Variants in COL5A3 observed in about 807,000 individuals in gnomAD.
The protein encoded by COL5A3 is collagen type V alpha 3 chain, also known as collagen alpha-3(V) chain.
Under a neutral mutation model 250.0 loss-of-function variants are expected in COL5A3, and 172 were observed. The observed-to-expected ratio is 0.69, with a 90% confidence interval of 0.61 to 0.78. The LOEUF is 0.78. Ranked by LOEUF, COL5A3 falls within the 30% of genes least tolerant of loss-of-function variation. COL5A3 has a pLI of 0.00. For synonymous variants in COL5A3, 937 were observed against 900.4 expected, an observed-to-expected ratio of 1.04 and a Z score of -0.73; for missense variants, 2,340 against 2,334.4, an observed-to-expected ratio of 1.00 and a Z score of -0.05.
rs374519541 is a variant in COL5A3 at position 10,004,182 on chromosome 19, C to T, written c.595-37G>A. 4 of 1,485,836 alleles carry T rather than the reference C, an allele frequency of 2.7e-6. No individual in the cohort carries two copies. The African/African-American group carries it at 5.5e-5, about 21-fold the overall frequency. 92.0% of individuals were successfully genotyped at this position (1,485,836 alleles called of 1,614,324 possible). On this transcript the variant is annotated intron_variant, in intron 4 of 66. Transcript: ENST00000264828. ...GGGTGTAGGAGTCAAGGAGGGCAGC[C>T]ATACAGCCATAGGCTTACTCTGACC...
Position 9,960,808 on chromosome 19 carries a change from T to C in COL5A3, c.4934A>G (p.Gln1645Arg). The change falls in exon 66 of 67, where the codon CAG (glutamine) becomes CGG (arginine). Residue 1645 changes from glutamine (Q) to arginine (R), a missense_variant. Coordinates refer to ENST00000264828, the MANE Select transcript of COL5A3 (RefSeq NM_015719.4). The stretch of plus-strand genomic sequence containing the variant: ...ATTCTGGCAGGAGTAGGTGAAGTTC[T>C]GGCGAGCTGTGGCACTCAGCAGTTT... ...FLKLLSATAR[Q>R]NFTYSCQNAA... The C allele has an allele frequency of 6.2e-7, 1 of 1,613,742 alleles. No homozygotes were observed. The highest frequency in any genetic ancestry group is 1.1e-5 in the South Asian group (1 of 91,086).
chr19:9,973,570 C>T lies in COL5A3; in HGVS notation c.3666G>A (p.Pro1222=), dbSNP rs771611798. 13 of 1,611,512 alleles carry T rather than the reference C, an allele frequency of 8.1e-6. No individual in the cohort carries two copies. Among genetic ancestry groups the T allele is most frequent in the African/African-American group, 2.7e-5 (2 of 74,872 alleles). Residue 1222 remains proline, a splice_region_variant and synonymous_variant, in exon 50 of 67, where the codon CCG becomes CCA. Transcript: ENST00000264828. ...DPGPPGAPGI[P]GPKGDIGEKG... is the part of the protein sequence containing the mutation. ...GGGACCACATCACACAGTCACTCAC[C>T]GGGATGCCTGGGGCTCCTGGAGGCC...
chr19:9,996,779 A>AG, intron 11 of COL5A3, 90 bp from the exon 12 acceptor site: 1 of 851,842 alleles, frequency 1.2e-6, no homozygotes, highest in Non-Finnish European at 1.8e-6. Context: ...ATGAGTCAGA[A>AG]AGAGAGAGAG....
chr19:10,007,917 C>T (rs952899615), intron 1 of COL5A3, among the ~76,000 whole-genome samples: 2 of 151,328 alleles, frequency 1.3e-5, no homozygotes, highest in African/African-American at 2.4e-5. Flanking sequence ...GTCCAAGTCT[C>T]TTTCTCTCTC....
intron 10 of COL5A3, among the ~76,000 whole-genome samples, chr19:9,997,655 G>A (rs1482813066): frequency 2.0e-5 from 3 of 152,050 alleles, no homozygotes; most frequent in Non-Finnish European, 4.4e-5. Context: ...ATGCTGGAGT[G>A]CAGTGGCGTG....
At chr19:9,977,167 C>A in intron 44 of COL5A3, 62 bp downstream of exon 44, 1 of 1,513,712 alleles carries the variant, frequency 6.6e-7, no homozygotes, top group Non-Finnish European at 9.2e-7. Context: ...ATCTCTACAT[C>A]CCTGGCCTCC....
rs568686157 is a variant in COL5A3, at chr19:9,960,653, G to A, written c.5089C>T (p.Arg1697Trp). The A allele has an allele frequency of 2.7e-5, 43 of 1,613,826 alleles. No individual in the cohort carries two copies. Among genetic ancestry groups the A allele is most frequent in the Middle Eastern group, 3.3e-4 (2 of 6,062 alleles). ...ATVSVPQDGC[R>W]LRKGQTKTLF... is the part of the protein sequence containing the mutation. ...TGGCCACTGCCCCACCCTCTTACCC[G>A]GCAGCCATCCTGGGGGACGCTGACA... Residue 1697 changes from arginine (R) to tryptophan (W), a missense_variant and splice_region_variant, in exon 66 of 67, where the codon CGG becomes TGG. By Grantham distance (101) the Arg-to-Trp change is moderately radical. This residue lies in a region of COL5A3 where 1,179 missense variants were observed against 1,162.6 expected (regional missense o/e 1.01). Coordinates refer to ENST00000264828, the MANE Select transcript of COL5A3 (RefSeq NM_015719.4).
chr19:9,977,627 G>A lies in COL5A3; in HGVS notation c.3093C>T (p.Gly1031=), dbSNP rs769714137. Residue 1031 remains glycine, a synonymous_variant, in exon 42 of 67, where the codon GGC becomes GGT. Coordinates refer to ENST00000264828, the MANE Select transcript of COL5A3 (RefSeq NM_015719.4). ...CCTTCTTGCCTGCAGGGCCAACGGG[G>A]CCTTCGCTGCCACTTTGGCCAGGAA... ...IGLPGQSGSE[G]PVGPAGKKGS... 3 of 1,605,770 alleles carry A rather than the reference G, an allele frequency of 1.9e-6. No individual in the cohort carries two copies. The highest frequency in any genetic ancestry group is 2.2e-5 in the South Asian group (2 of 89,974).
At chr19:9,995,057 G>A (rs1183333434) in intron 16 of COL5A3, among the ~76,000 whole-genome samples, 2 of 151,976 alleles carry the variant, frequency 1.3e-5, no homozygotes, top group Non-Finnish European at 2.9e-5. Context: ...ACAGGCGCAC[G>A]CTGCCATGCC....
At position 9,962,894 on chromosome 19, in the gene COL5A3, G is replaced by A. The variant is rs1262892358; in HGVS notation, c.4783-7C>T. The A allele has an allele frequency of 1.2e-6, 2 of 1,605,392 alleles. No individual in the cohort carries two copies. The highest frequency in any genetic ancestry group is 1.7e-6 in the Non-Finnish European group (2 of 1,174,928). On this transcript the variant is annotated splice_polypyrimidine_tract_variant and splice_region_variant and intron_variant, in intron 64 of 66. Transcript: ENST00000264828. ...ACCAGGAGGCCAATTTCACCTGGAA[G>A]AGAAAAGGGAGGGTCACTGTAGCTG...
chr19:9,976,619 A>G lies in COL5A3; in HGVS notation c.3289-8T>C. ...TGGTTGTCCAGGTGGGCCCTGGGAG[A>G]ACAGGAAACAGAATCAAAAATTCCC... On this transcript the variant is annotated splice_region_variant and splice_polypyrimidine_tract_variant and intron_variant, in intron 44 of 66. Transcript: ENST00000264828. 1 of 1,572,352 alleles carries G rather than the reference A, an allele frequency of 6.4e-7. No homozygotes were observed. Among genetic ancestry groups the G allele is most frequent in the East Asian group, 2.4e-5 (1 of 42,062 alleles).
At chr19:9,997,455 G>A (rs2087289571) in intron 10 of COL5A3, 22 bp from the exon 11 acceptor site, 4 of 1,564,250 alleles carry the variant, frequency 2.6e-6, no homozygotes, top group Non-Finnish European at 3.5e-6. Flanking sequence ...AGAGAAACAG[G>A]AGTCACAGGA....
intron 41 of COL5A3, 63 bp downstream of exon 41, chr19:9,978,511 G>T: frequency 9.0e-7 from 1 of 1,112,906 alleles, no homozygotes; most frequent in Non-Finnish European, 1.4e-6. Context: ...ACAATGTCAA[G>T]CTTCCAAGAC....
chr19:9,978,424 A>G (rs1741962539), intron 41 of COL5A3, 150 bp downstream of exon 41: 2 of 626,130 alleles, frequency 3.2e-6, no homozygotes, highest in Admixed American at 2.8e-5. Flanking sequence ...GGGTTCCACC[A>G]TGTTGGCCAG....
chr19:10,007,252 T>C (rs892002635), intron 1 of COL5A3, among the ~76,000 whole-genome samples: 4 of 152,050 alleles, frequency 2.6e-5, no homozygotes, highest in African/African-American at 9.7e-5. Flanking sequence ...CTCCTCCCTC[T>C]GACTACCCCC....
At chr19:9,970,437 T>C (rs559470730) in intron 54 of COL5A3, among the ~76,000 whole-genome samples, 185 bp downstream of exon 54, 1 of 34,296 alleles carries the variant, frequency 2.9e-5, no homozygotes, top group African/African-American at 1.7e-4. Flanking sequence ...GTGAGTGGGG[T>C]CTGTGGGTGA....
intron 8 of COL5A3, among the ~76,000 whole-genome samples, chr19:9,999,469 C>CTTTTTTTT (rs530527039): frequency 1.2e-4 from 15 of 120,392 alleles, no homozygotes; most frequent in South Asian, 5.2e-4. Context: ...TTTCTTTTTT[C>CTTTTTTTT]TTTTTTTTTT....
At position 9,977,438 on chromosome 19, in the gene COL5A3, T is replaced by A. The variant is rs575305439; in HGVS notation, c.3161A>T (p.Asp1054Val). The part of the protein sequence containing the change: ...ERGPPGPTGK[D>V]GIPGPLGPLG... ...AGGCCCCAGGGGCCCTGGGATCCCA[T>A]CTTTGCCAGTGGGGCCAGGGGGGCC... The change falls in exon 43 of 67, where the codon GAT becomes GTT. Residue 1054 changes from aspartate to valine, a missense_variant. Physicochemically the swap from Asp to Val is radical, Grantham distance 152 (BLOSUM62 -3). This residue lies in a region of COL5A3 where 1,179 missense variants were observed against 1,162.6 expected (regional missense o/e 1.01). Coordinates refer to ENST00000264828, the MANE Select transcript of COL5A3 (RefSeq NM_015719.4). 6.6e-7 allele frequency: 1 copy of A among 1,522,922 alleles called. No individual in the cohort carries two copies. The highest frequency in any genetic ancestry group is 1.4e-5 in the African/African-American group (1 of 71,706). The allele number at this position is 1,522,922 out of a possible 1,614,324, so 94.3% of individuals were successfully genotyped here.
In COL5A3 at chr19:9,960,893, G is replaced by T. The variant is rs2086664194; in HGVS notation, c.4852-3C>A. ...CCGTCGGCGTCCACGTAGGAGAACT[G>T]GTGAGAGGAGGGCAAGGCAGAGGAT... On this transcript the variant is annotated splice_region_variant and splice_polypyrimidine_tract_variant and intron_variant, in intron 65 of 66. Coordinates refer to ENST00000264828, the MANE Select transcript of COL5A3 (RefSeq NM_015719.4). The T allele has an allele frequency of 6.2e-7, 1 of 1,602,362 alleles. No individual in the cohort carries two copies.
Sources: gnomAD v4.1 joint callset for allele counts (sites outside exome capture counted in the v4.1 genomes callset) on GRCh38, gnomAD v4.1.1 for gene constraint, gnomAD v4.1.1 regional missense constraint, MANE v1.5 for transcripts, NCBI Gene and HGNC (gene_info 2026-07-23, HGNC 2026-07-21) for gene names.